Variants in FOXP1 observed in about 807,000 individuals in gnomAD.
FOXP1 encodes forkhead box P1.
A neutral mutation model predicts 98.2 loss-of-function variants in FOXP1; 15 were observed. The ratio of observed to expected loss-of-function variants is 0.15; its 90% CI spans 0.10 to 0.24. The LOEUF (loss-of-function observed/expected upper bound fraction) is 0.24, where lower values mean the gene tolerates loss of function less well. FOXP1 is among the 10% of genes least tolerant of loss of function. The pLI, the probability that FOXP1 is intolerant of heterozygous loss-of-function variation, is 1.00. For missense variants in FOXP1, 633 were observed against 848.5 expected (o/e 0.75, Z 3.15); for synonymous variants, 371 against 314.5 (o/e 1.18, Z -1.90).
At chr3:71,480,455 G>A (rs1452237604) in intron 3 of FOXP1, among the ~76,000 whole-genome samples, 2 of 152,192 alleles carry the variant, frequency 1.3e-5, no homozygotes, top group Admixed American at 6.5e-5. Flanking sequence ...CTCAGATTTC[G>A]AATTTAGGAA....
At chr3:70,977,285 C>A (rs943571164) in intron 16 of FOXP1, among the ~76,000 whole-genome samples, 2 of 152,072 alleles carry the variant, frequency 1.3e-5, no homozygotes, top group Non-Finnish European at 2.9e-5. Flanking sequence ...ATTAGTCATT[C>A]ATAAAGCAGA....
At position 71,468,615 on chromosome 3, in the gene FOXP1, T is replaced by G. The variant is rs553364470; in HGVS notation, c.-168+24811A>C. Among the ~76,000 whole-genome samples, 43 of 152,274 alleles carry G rather than the reference T, an allele frequency of 2.8e-4. No individual in the cohort carries two copies. In the South Asian group the frequency reaches 8.7e-3, roughly 31 times the overall value. On this transcript the variant is annotated intron_variant, in intron 3 of 20. Coordinates refer to ENST00000649528, the MANE Select transcript of FOXP1 (RefSeq NM_001349338.3). ...TATATGTTAAGTAGTTTCCATTCCT[T>G]TAACCGTTCTAAAAAGATCCCATTC...
At position 70,978,027 on chromosome 3, in the gene FOXP1, C is replaced by T. The variant is rs372657299; in HGVS notation, c.1149G>A (p.Leu383=). ...AGAGAGTGACACTTGATACCAGATT[C>T]AACTGCAAGGAAAAAAACAACGTCT... The part of the protein sequence containing the change: ...STEPKAAPQP[L]NLVSSVTLSK... Residue 383 remains leucine (L), a splice_region_variant and synonymous_variant, in exon 15 of 21, where the codon TTG becomes TTA. Coordinates refer to ENST00000649528, the MANE Select transcript of FOXP1 (RefSeq NM_001349338.3). 1.4e-5 allele frequency: 23 copies of T among 1,613,662 alleles called. No individual in the cohort carries two copies. Among genetic ancestry groups the T allele is most frequent in the African/African-American group, 2.7e-5 (2 of 74,900 alleles).
Position 71,512,236 on chromosome 3 carries a change from G to A in FOXP1, c.-297-18681C>T, listed in dbSNP as rs76502033. On this transcript the variant is annotated intron_variant, in intron 2 of 20. Transcript: ENST00000649528. Reference sequence around the variant, plus strand: ...AGTGGTGCCTTAGAGACAGGATATAGGGCCTGGCGAAGGGTAGGGTAATAT... The same window carrying A: ...AGTGGTGCCTTAGAGACAGGATATAAGGCCTGGCGAAGGGTAGGGTAATAT... 3.4e-3 allele frequency among the ~76,000 whole-genome samples: 519 copies of A among 152,250 alleles called. 6 individuals are homozygous for A. Among genetic ancestry groups the A allele is most frequent in the African/African-American group, 0.012 (496 of 41,534 alleles).
intron 14 of FOXP1, among the ~76,000 whole-genome samples, chr3:70,981,660 A>G (rs1166752204): frequency 6.6e-6 from 1 of 152,242 alleles, no homozygotes; most frequent in East Asian, 1.9e-4. Context: ...GACAGTTCCT[A>G]GAGGAAGAGG....
At chr3:71,359,074 T>C (rs2078373443) in intron 4 of FOXP1, 76 bp downstream of exon 4, 1 of 152,162 alleles carries the variant, frequency 6.6e-6, no homozygotes, top group Admixed American at 6.5e-5. Flanking sequence ...GATTACTATA[T>C]CGACCACTGG....
chr3:71,429,079 G>C (rs1278100960), intron 3 of FOXP1, among the ~76,000 whole-genome samples: 2 of 152,192 alleles, frequency 1.3e-5, no homozygotes, highest in Admixed American at 1.3e-4. Flanking sequence ...GAAGGCATCA[G>C]AACCAAGGCA....
intron 6 of FOXP1, among the ~76,000 whole-genome samples, chr3:71,137,108 G>A (rs930180839): frequency 6.6e-6 from 1 of 152,206 alleles, no homozygotes; most frequent in African/African-American, 2.4e-5. Context: ...GGGGGTTAGT[G>A]TAGTGGGTGG....
At position 71,466,896 on chromosome 3, in the gene FOXP1, A is replaced by G. The variant is rs145452686; in HGVS notation, c.-168+26530T>C. Among the ~76,000 whole-genome samples the G allele has an allele frequency of 1.2e-3, 180 of 152,352 alleles. 1 individual carries two copies. The highest frequency in any genetic ancestry group is 0.011 in the Admixed American group (167 of 15,298). ...ATGACATCTGTGTTTCTCAAGTGAT[A>G]CTTATCCTTGGATACGTTTTGTTTG... On this transcript the variant is annotated intron_variant, in intron 3 of 20. Transcript: ENST00000649528.
intron 3 of FOXP1, among the ~76,000 whole-genome samples, chr3:71,464,518 G>A (rs2088493342): frequency 6.6e-6 from 1 of 152,170 alleles, no homozygotes; most frequent in Non-Finnish European, 1.5e-5. Context: ...CAGCCTCTTT[G>A]GGAGTTGACT....
At chr3:71,128,547 T>A (rs2059373795) in intron 6 of FOXP1, among the ~76,000 whole-genome samples, 1 of 152,186 alleles carries the variant, frequency 6.6e-6, no homozygotes, top group Non-Finnish European at 1.5e-5. Flanking sequence ...TCTGATAAAT[T>A]ACGTTGTACC....
intron 5 of FOXP1, chr3:71,289,955 A>G (rs192187639): frequency 6.6e-6 from 1 of 152,300 alleles, no homozygotes; most frequent in Non-Finnish European, 1.5e-5. Flanking sequence ...TTCTTCTTCT[A>G]TACCACTGCT....
intron 5 of FOXP1, among the ~76,000 whole-genome samples, chr3:71,240,957 T>C (rs1235556003): frequency 6.6e-6 from 1 of 151,552 alleles, no homozygotes; most frequent in Non-Finnish European, 1.5e-5. Flanking sequence ...ACGCCTGTAA[T>C]CCCAGCACTT....
At chr3:71,245,087 G>C (rs1217002266) in intron 5 of FOXP1, 1 of 152,190 alleles carries the variant, frequency 6.6e-6, no homozygotes, top group Non-Finnish European at 1.5e-5. Context: ...TGGCAGAAGC[G>C]AGAGTTCCGT....
intron 2 of FOXP1, among the ~76,000 whole-genome samples, chr3:71,500,092 TCAGTG>T: frequency 6.6e-6 from 1 of 152,348 alleles, no homozygotes; most frequent in Admixed American, 6.5e-5. Context: ...TAACTTTGTT[TCAGTG>T]AAGTTCCCTA....
chr3:71,357,994 A>G (rs921621663), intron 4 of FOXP1, among the ~76,000 whole-genome samples: 3 of 152,066 alleles, frequency 2.0e-5, no homozygotes, highest in Admixed American at 6.5e-5. Context: ...GATTCTGATT[A>G]ACCCTCTATT....
At chr3:71,048,772 A>G (rs923439142) in intron 9 of FOXP1, among the ~76,000 whole-genome samples, 2 of 147,442 alleles carry the variant, frequency 1.4e-5, no homozygotes, top group African/African-American at 5.0e-5. Flanking sequence ...ATAAAAGATC[A>G]GGGAATTAGC....
chr3:71,490,506 A>G (rs2090987531), intron 3 of FOXP1, among the ~76,000 whole-genome samples: 2 of 152,060 alleles, frequency 1.3e-5, no homozygotes, highest in African/African-American at 4.8e-5. Flanking sequence ...CTTAAAAAAA[A>G]AAAATGGGAG....
intron 3 of FOXP1, among the ~76,000 whole-genome samples, chr3:71,439,251 A>C (rs1304328197): frequency 6.6e-6 from 1 of 152,194 alleles, no homozygotes; most frequent in Non-Finnish European, 1.5e-5. Context: ...GGGACCATGC[A>C]TGCAAACGAT....
Sources: allele counts gnomAD v4.1 joint callset (sites outside exome capture counted in the v4.1 genomes callset), GRCh38; gene constraint gnomAD v4.1.1; transcripts MANE v1.5; gene names NCBI Gene and HGNC (gene_info 2026-07-23, HGNC 2026-07-21).